EARS2: variants seen among roughly 807,000 people sequenced by gnomAD.
EARS2 encodes nondiscriminating glutamyl-tRNA synthetase EARS2, mitochondrial.
In EARS2, 50 loss-of-function variants were observed where a neutral mutation model predicts 54.1. The ratio of observed to expected loss-of-function variants is 0.92; its 90% CI spans 0.74 to 1.17. The LOEUF is 1.17. EARS2 is among the 50% of genes most tolerant of loss of function. The pLI is 0.00. For synonymous variants in EARS2, 298 were observed against 281.0 expected (o/e 1.06, Z -0.61); for missense variants, 673 against 675.0 (o/e 1.00, Z 0.03).
chr16:23,537,794 CTTT>C (rs562913476), intron 3 of EARS2, among the ~76,000 whole-genome samples: 9 of 137,426 alleles, frequency 6.5e-5, no homozygotes, highest in Admixed American at 7.4e-5. Flanking sequence ...CTTTTTCTTT[CTTT>C]TTTTTTTTTT....
rs994876338 is a variant in EARS2 at position 23,523,382 on chromosome 16, G to C, written c.*989C>G. 1 of 152,262 alleles carries C rather than the reference G, an allele frequency of 6.6e-6. No individual in the cohort carries two copies. Among genetic ancestry groups the C allele is most frequent in the Non-Finnish European group, 1.5e-5 (1 of 68,046 alleles). 9.4% of individuals were successfully genotyped at this position (152,262 alleles called of 1,614,324 possible). On this transcript the variant is annotated 3_prime_UTR_variant, in exon 9 of 9. Transcript: ENST00000449606. ...AAGAGAAAGCCACAAAATAGGAAGG[G>C]TGAAGGTCTCCAGTCCAAGGACCAG...
intron 2 of EARS2, among the ~76,000 whole-genome samples, chr16:23,550,101 C>T (rs539022333): frequency 1.3e-5 from 2 of 152,166 alleles, no homozygotes; most frequent in South Asian, 4.1e-4. Flanking sequence ...GGTTCATGAC[C>T]GTGATGCCAG....
intron 2 of EARS2, among the ~76,000 whole-genome samples, chr16:23,550,246 G>A (rs904707208): frequency 5.3e-5 from 8 of 151,894 alleles, no homozygotes; most frequent in Non-Finnish European, 1.2e-4. Flanking sequence ...ACACAGCTAT[G>A]GTGCCAGCTA....
intron 5 of EARS2, among the ~76,000 whole-genome samples, chr16:23,532,147 A>C (rs535084337): frequency 5.3e-5 from 8 of 152,296 alleles, no homozygotes; most frequent in South Asian, 2.1e-4. Flanking sequence ...CATGTTAACT[A>C]TGATCTGAGT....
At chr16:23,540,994 A>T (rs950049733) in intron 3 of EARS2, among the ~76,000 whole-genome samples, 2 of 151,542 alleles carry the variant, frequency 1.3e-5, no homozygotes, top group African/African-American at 2.4e-5. Context: ...CCGTCTCCAA[A>T]AAATAAATAA....
Position 23,525,300 on chromosome 16 carries a change from C to T in EARS2, c.1432G>A (p.Gly478Ser), listed in dbSNP as rs1965206798. Reference sequence around the variant, plus strand: ...TTCATCACATTACTGTACTTGGTGCCTTCCAGACCTTCTGATAGCTTCTTC... The same window carrying T: ...TTCATCACATTACTGTACTTGGTGCTTTCCAGACCTTCTGATAGCTTCTTC... ...ELKKLSEGLE[G>S]TKYSNVMKLL... The change falls in exon 8 of 9, where the codon GGC becomes AGC. Residue 478 changes from glycine (G) to serine (S), a missense_variant. By Grantham distance (56) the Gly-to-Ser change is moderately conservative. This residue lies in a region of EARS2 where 338 missense variants were observed against 361.2 expected (regional missense o/e 0.94). Transcript: ENST00000449606. 6.2e-7 allele frequency: 1 copy of T among 1,613,986 alleles called. No individual in the cohort carries two copies. The highest frequency in any genetic ancestry group is 1.1e-5 in the South Asian group (1 of 91,086).
At chr16:23,553,272 A>T (rs1248523547) in intron 1 of EARS2, 1 of 154,434 alleles carries the variant, frequency 6.5e-6, no homozygotes, top group Non-Finnish European at 1.4e-5. Context: ...TTTTATTAAA[A>T]GGCTCCAATT....
intron 1 of EARS2, among the ~76,000 whole-genome samples, chr16:23,556,404 G>A (rs537116658): frequency 2.0e-5 from 3 of 152,300 alleles, no homozygotes; most frequent in Admixed American, 2.0e-4. Context: ...GCCCAGGCTG[G>A]AGTGCAATGG....
chr16:23,550,355 A>C (rs1288023759), intron 2 of EARS2, among the ~76,000 whole-genome samples: 3 of 151,380 alleles, frequency 2.0e-5, no homozygotes, highest in African/African-American at 7.3e-5. Flanking sequence ...CAACAGAGCA[A>C]GATTTTGTTT....
chr16:23,548,233 C>CAGTAAATA (rs146874917), intron 2 of EARS2, among the ~76,000 whole-genome samples: 1 of 135,420 alleles, frequency 7.4e-6, no homozygotes, highest in South Asian at 2.6e-4. Flanking sequence ...GACTCCATCT[C>CAGTAAATA]AATAAATAAA....
At chr16:23,528,596 G>A (rs1468208130) in intron 7 of EARS2, among the ~76,000 whole-genome samples, 2 of 152,222 alleles carry the variant, frequency 1.3e-5, no homozygotes, top group Non-Finnish European at 2.9e-5. Context: ...CTGAATCCTG[G>A]TGAATTAGAA....
chr16:23,545,349 A>T (rs1476868535), intron 2 of EARS2: 6 of 152,082 alleles, frequency 3.9e-5, no homozygotes, highest in African/African-American at 1.5e-4. Flanking sequence ...AGAAAAAAGC[A>T]TGGTTCAGAG....
intron 3 of EARS2, among the ~76,000 whole-genome samples, chr16:23,544,128 C>A (rs185508250): frequency 6.6e-6 from 1 of 152,198 alleles, no homozygotes; most frequent in African/African-American, 2.4e-5. Context: ...CCAGCTCGTA[C>A]GTGCTCACTC....
chr16:23,528,581 C>G (rs899821139), intron 7 of EARS2, among the ~76,000 whole-genome samples: 2 of 152,170 alleles, frequency 1.3e-5, no homozygotes, highest in African/African-American at 4.8e-5. Flanking sequence ...CAGGCAGTTA[C>G]GACACTGAAT....
rs1965177061 is a variant in EARS2 at position 23,523,676 on chromosome 16, CCCT to C, written c.*692_*694del. ...AGCTGCTACGGGCTGAATTCTGTCC[CCCT>C]AAATTCTTACGTTGAGAAACCCCTG... On this transcript the variant is annotated 3_prime_UTR_variant, in exon 9 of 9. Transcript: ENST00000449606. 1.3e-5 allele frequency: 2 copies of C among 152,194 alleles called. No homozygotes were observed. Among genetic ancestry groups the C allele is most frequent in the Admixed American group, 6.6e-5 (1 of 15,258 alleles). 9.4% of individuals were successfully genotyped at this position (152,194 alleles called of 1,614,324 possible).
chr16:23,542,721 G>T lies in EARS2; in HGVS notation c.485+1793C>A, dbSNP rs548426331. 1.5e-3 allele frequency among the ~76,000 whole-genome samples: 222 copies of T among 152,258 alleles called. 9 individuals are homozygous for T. Among genetic ancestry groups the T allele is most frequent in the Middle Eastern group, 3.4e-3 (1 of 294 alleles). On this transcript the variant is annotated intron_variant, in intron 3 of 8. Transcript: ENST00000449606. ...ATAGCCCCAGTCATTCTCGCCTTCT[G>T]GTGTTTCTGTCCTTGTGTAGTCCCC...
intron 3 of EARS2, among the ~76,000 whole-genome samples, chr16:23,539,223 A>G (rs1197514314): frequency 6.6e-6 from 1 of 152,154 alleles, no homozygotes; most frequent in Non-Finnish European, 1.5e-5. Flanking sequence ...CATAAGAGCT[A>G]GTACTGTTTA....
At chr16:23,556,752 G>A (rs1028864289) in intron 1 of EARS2, 4 of 384,322 alleles carry the variant, frequency 1.0e-5, no homozygotes, top group South Asian at 6.0e-5. Flanking sequence ...AAGCCTTCTG[G>A]AGCGTCCTTC....
intron 4 of EARS2, among the ~76,000 whole-genome samples, chr16:23,534,159 A>C (rs1349509530): frequency 1.3e-5 from 2 of 152,188 alleles, no homozygotes; most frequent in Non-Finnish European, 2.9e-5. Context: ...CATAGGCCTA[A>C]AGCGCTATAT....
Sources: gnomAD v4.1 joint callset for allele counts (sites outside exome capture counted in the v4.1 genomes callset) on GRCh38, gnomAD v4.1.1 for gene constraint, gnomAD v4.1.1 regional missense constraint, MANE v1.5 for transcripts, NCBI Gene and HGNC (gene_info 2026-07-23, HGNC 2026-07-21) for gene names.